DLG2: variants seen among roughly 807,000 people sequenced by gnomAD.
DLG2 encodes discs large MAGUK scaffold protein 2, also known as disks large homolog 2.
Under a neutral mutation model 132.5 loss-of-function variants are expected in DLG2, and 45 were observed. The observed-to-expected ratio is 0.34, with a 90% CI of 0.27 to 0.44. The LOEUF (loss-of-function observed/expected upper bound fraction) is 0.44. Among genes scored for constraint, DLG2 ranks in the 20% least tolerant of loss-of-function variants. The probability of loss-of-function intolerance (pLI) is 1.00; values close to 1 mark genes in which losing one functional copy is unlikely to be tolerated. For synonymous variants in DLG2, 424 were observed against 419.6 expected, an observed-to-expected ratio of 1.01 and a Z score of -0.13; for missense variants, 1,045 against 1,196.9, an observed-to-expected ratio of 0.87 and a Z score of 1.87.
At chr11:84,617,817 C>T (rs2099607202) in intron 6 of DLG2, among the ~76,000 whole-genome samples, 1 of 152,072 alleles carries the variant, frequency 6.6e-6, no homozygotes, top group South Asian at 2.1e-4. Flanking sequence ...AAACCTAATT[C>T]ATATGGTCAC....
intron 6 of DLG2, among the ~76,000 whole-genome samples, chr11:85,076,002 A>G (rs1448159809): frequency 6.6e-6 from 1 of 151,998 alleles, no homozygotes; most frequent in Non-Finnish European, 1.5e-5. Flanking sequence ...AATTATATTT[A>G]GAGCTCCCCT....
At chr11:85,038,714 C>T (rs1262587506) in intron 6 of DLG2, among the ~76,000 whole-genome samples, 1 of 151,960 alleles carries the variant, frequency 6.6e-6, no homozygotes, top group Non-Finnish European at 1.5e-5. Context: ...TTAAAGAAAA[C>T]AACCATGTGA....
At chr11:83,699,730 TTAAAAA>T (rs895357977) in intron 18 of DLG2, among the ~76,000 whole-genome samples, 2 of 128,216 alleles carry the variant, frequency 1.6e-5, no homozygotes, top group African/African-American at 7.1e-5. Flanking sequence ...TAATAATAAT[TTAAAAA>T]TAATAATAAT....
chr11:84,731,669 A>T (rs2153812153), intron 6 of DLG2, among the ~76,000 whole-genome samples: 1 of 152,146 alleles, frequency 6.6e-6, no homozygotes, highest in South Asian at 2.1e-4. Context: ...CAGAGGCTGA[A>T]GAAGACAGTA....
chr11:83,993,240 A>C (rs2154184390), intron 11 of DLG2, among the ~76,000 whole-genome samples: 1 of 152,306 alleles, frequency 6.6e-6, no homozygotes, highest in Admixed American at 6.5e-5. Context: ...TTGTTCAATA[A>C]ATATTTGCAG....
rs1486826920 is a variant in DLG2, at chr11:83,458,363, A to C, written c.*1455T>G. ...AATTGTTAAAAAATAAACTTGGTCCAGGTGCAGCTCCAAGAAAGGCAGTTC... is the reference window on the plus strand; with the variant it reads ...AATTGTTAAAAAATAAACTTGGTCCCGGTGCAGCTCCAAGAAAGGCAGTTC... On this transcript the variant is annotated 3_prime_UTR_variant, in exon 28 of 28. Transcript: ENST00000376104. The C allele has an allele frequency of 6.6e-6, 1 of 152,642 alleles. No homozygotes were observed. Among genetic ancestry groups the C allele is most frequent in the African/African-American group, 2.4e-5 (1 of 41,454 alleles). 9.5% of individuals were successfully genotyped at this position (152,642 alleles called of 1,614,324 possible).
At chr11:84,993,381 A>G (rs968769597) in intron 6 of DLG2, among the ~76,000 whole-genome samples, 11 of 152,148 alleles carry the variant, frequency 7.2e-5, no homozygotes, top group Non-Finnish European at 1.5e-5. Flanking sequence ...GAAAAATATT[A>G]AAGATAGGTA....
intron 3 of DLG2, among the ~76,000 whole-genome samples, chr11:85,370,893 GT>G (rs2084925561): frequency 6.6e-6 from 1 of 152,098 alleles, no homozygotes; most frequent in African/African-American, 2.4e-5. Flanking sequence ...GCTAATATAT[GT>G]TCCAGAATTG....
chr11:85,097,058 T>C (rs992257386), intron 6 of DLG2, among the ~76,000 whole-genome samples: 7 of 152,148 alleles, frequency 4.6e-5, no homozygotes, highest in Non-Finnish European at 8.8e-5. Flanking sequence ...CAAACAAGAC[T>C]CACCCATCTA....
intron 19 of DLG2, among the ~76,000 whole-genome samples, chr11:83,551,987 T>C (rs1044084688): frequency 1.3e-5 from 2 of 152,198 alleles, no homozygotes; most frequent in African/African-American, 4.8e-5. Context: ...CTCATTTTCA[T>C]TCAGCAAATA....
intron 7 of DLG2, among the ~76,000 whole-genome samples, chr11:84,345,642 CT>C (rs1005224804): frequency 6.6e-6 from 1 of 151,060 alleles, no homozygotes. Context: ...CTTTTCTTTT[CT>C]TTTTTTTTAA....
intron 6 of DLG2, among the ~76,000 whole-genome samples, chr11:85,064,096 A>G (rs957857802): frequency 3.1e-4 from 47 of 152,022 alleles, no homozygotes; most frequent in African/African-American, 1.1e-3. Context: ...TGTCTGTCAT[A>G]TAATTAATAT....
intron 6 of DLG2, among the ~76,000 whole-genome samples, chr11:84,735,657 G>T (rs1449300726): frequency 6.6e-6 from 1 of 151,982 alleles, no homozygotes; most frequent in Non-Finnish European, 1.5e-5. Context: ...TCTGATCTTA[G>T]TTATTTCTTG....
At chr11:85,475,212 A>G (rs1047523217) in intron 3 of DLG2, among the ~76,000 whole-genome samples, 1 of 151,916 alleles carries the variant, frequency 6.6e-6, no homozygotes, top group Non-Finnish European at 1.5e-5. Context: ...TTAAACTTAA[A>G]AAGACATCAA....
At chr11:83,967,635 A>G (rs970241744) in intron 12 of DLG2, among the ~76,000 whole-genome samples, 1 of 152,046 alleles carries the variant, frequency 6.6e-6, no homozygotes, top group African/African-American at 2.4e-5. Flanking sequence ...TTGGTTATTA[A>G]CCTATCATCA....
At chr11:85,294,717 C>T (rs911155539) in intron 3 of DLG2, among the ~76,000 whole-genome samples, 2 of 152,056 alleles carry the variant, frequency 1.3e-5, no homozygotes, top group East Asian at 3.9e-4. Flanking sequence ...ATGTTGAATA[C>T]CTGAACATAG....
intron 4 of DLG2, among the ~76,000 whole-genome samples, chr11:85,262,607 G>T (rs975166140): frequency 6.6e-6 from 1 of 152,162 alleles, no homozygotes; most frequent in South Asian, 2.1e-4. Flanking sequence ...TCTAGAAGAA[G>T]GTCTTCAGGA....
intron 15 of DLG2, among the ~76,000 whole-genome samples, chr11:83,901,423 C>T (rs1367873437): frequency 6.6e-6 from 1 of 152,188 alleles, no homozygotes; most frequent in East Asian, 1.9e-4. Context: ...GTGGGAGGGT[C>T]CCAGTGGAAG....
chr11:83,561,212 T>C (rs79349957), intron 19 of DLG2, among the ~76,000 whole-genome samples: 2,997 of 152,244 alleles, frequency 0.02, 39 homozygotes, highest in Non-Finnish European at 0.03. Flanking sequence ...ACCTCCAACA[T>C]TGGGGGTTCC....
Sources: gnomAD v4.1 joint callset for allele counts (sites outside exome capture counted in the v4.1 genomes callset) on GRCh38, gnomAD v4.1.1 for gene constraint, MANE v1.5 for transcripts, NCBI Gene and HGNC (gene_info 2026-07-23, HGNC 2026-07-21) for gene names.